The following FAM20C variants were observed in gnomAD, a reference collection of about 807,000 sequenced individuals.
FAM20C encodes FAM20C golgi associated secretory pathway kinase, also known as extracellular serine/threonine protein kinase FAM20C.
A neutral mutation model predicts 51.5 loss-of-function variants in FAM20C; 40 were observed. The observed-to-expected ratio is 0.78, with a 90% CI of 0.60 to 1.01. The LOEUF is 1.01. FAM20C is among the 50% of genes least tolerant of loss of function. FAM20C has a pLI of 0.00. For missense variants in FAM20C, 861 were observed against 844.7 expected, an observed-to-expected ratio of 1.02 and a Z score of -0.24; for synonymous variants, 406 against 380.6, an observed-to-expected ratio of 1.07 and a Z score of -0.78.
chr7:209,765 G>T (rs1786613963), intron 3 of FAM20C, among the ~76,000 whole-genome samples: 2 of 152,228 alleles, frequency 1.3e-5, no homozygotes, highest in South Asian at 4.1e-4. Context: ...CAGAAATATG[G>T]ATTTTTTTTT....
chr7:215,231 GGGGGGGA>G (rs1786905488), intron 3 of FAM20C, among the ~76,000 whole-genome samples: 5 of 124,672 alleles, frequency 4.0e-5, no homozygotes, highest in African/African-American at 1.4e-4. Context: ...CTCCAGCTGG[GGGGGGGA>G]GCAGGGCCCC....
chr7:228,295 AT>A, intron 3 of FAM20C: 1 of 367,868 alleles, frequency 2.7e-6, no homozygotes, highest in Non-Finnish European at 5.5e-6. Flanking sequence ...GCCTGTCCCC[AT>A]GGGTTCCGAA....
At chr7:210,600 C>T (rs1394929510) in intron 3 of FAM20C, among the ~76,000 whole-genome samples, 2 of 152,056 alleles carry the variant, frequency 1.3e-5, no homozygotes, top group Non-Finnish European at 2.9e-5. Flanking sequence ...CGCCTCCCAC[C>T]TGTGGGAGCA....
chr7:228,672 A>T (rs555382629), intron 3 of FAM20C: 15 of 456,126 alleles, frequency 3.3e-5, no homozygotes, highest in Non-Finnish European at 6.6e-5. Flanking sequence ...TGGTGCCTGG[A>T]GCTGAGGTCC....
intron 2 of FAM20C, among the ~76,000 whole-genome samples, chr7:204,942 G>A (rs969538429): frequency 1.3e-5 from 2 of 152,274 alleles, no homozygotes; most frequent in Non-Finnish European, 2.9e-5. Context: ...GCACTCTTGT[G>A]GCCCTTGCCG....
intron 8 of FAM20C, 60 bp downstream of exon 8, chr7:257,146 C>A: frequency 6.8e-7 from 1 of 1,470,176 alleles, no homozygotes; most frequent in South Asian, 1.2e-5. Context: ...CAGCTACCTG[C>A]AGCCCACCTG....
At position 193,182 on chromosome 7, in the gene FAM20C, G is replaced by T. The variant is rs1019826191; in HGVS notation, c.-18G>T. ...CGCGGGCAGAACGCGCTCCAGGCCC[G>T]GGCCGGCCCGCGCGGCCATGAAGAT... On this transcript the variant is annotated 5_prime_UTR_variant, in exon 1 of 10. Transcript: ENST00000313766. The T allele has an allele frequency of 1.4e-6, 2 of 1,448,746 alleles. No individual in the cohort carries two copies. Among genetic ancestry groups the T allele is most frequent in the Non-Finnish European group, 1.8e-6 (2 of 1,094,720 alleles). The allele number at this position is 1,448,746 out of a possible 1,614,324, so 89.7% of individuals were successfully genotyped here.
chr7:246,625 AGCGCCGGTGCCTGCTCTCCCCCC>A (rs1452646758), intron 4 of FAM20C, 118 bp downstream of exon 4: 1 of 471,752 alleles, frequency 2.1e-6, no homozygotes, highest in African/African-American at 3.0e-5. Flanking sequence ...ACCATCAGGC[AGCGCCGGTGCCTGCTCTCCCCCC>A]ACCCCGAGTG....
chr7:229,540 A>G (rs1787579034), intron 3 of FAM20C: 1 of 152,578 alleles, frequency 6.6e-6, no homozygotes, highest in Non-Finnish European at 1.5e-5. Context: ...GCGGTGGCAC[A>G]TCGTGAGAAT....
rs142636244 is a variant in FAM20C, at chr7:198,897, T to C, written c.784+3165T>C. On this transcript the variant is annotated intron_variant, in intron 2 of 9. Transcript: ENST00000313766. ...CCTGAGCCTCATGAGGGTCTCAGTCTAGATGCTGGGCCCTATTCTCCCTGC... is the reference window on the plus strand; with the variant it reads ...CCTGAGCCTCATGAGGGTCTCAGTCCAGATGCTGGGCCCTATTCTCCCTGC... Among the ~76,000 whole-genome samples the C allele has an allele frequency of 1.9e-3, 288 of 152,358 alleles. 1 individual carries two copies. The highest frequency in any genetic ancestry group is 6.6e-3 in the African/African-American group (275 of 41,582).
chr7:218,022 A>G (rs903921900), intron 3 of FAM20C, among the ~76,000 whole-genome samples: 1 of 152,108 alleles, frequency 6.6e-6, no homozygotes, highest in African/African-American at 2.4e-5. Flanking sequence ...ATGCTTTGTT[A>G]GCAGGACGTG....
Position 256,536 on chromosome 7 carries a change from G to A in FAM20C, c.1254-118G>A, listed in dbSNP as rs141741458. On this transcript the variant is annotated intron_variant, in intron 6 of 9. Coordinates refer to ENST00000313766, the MANE Select transcript of FAM20C (RefSeq NM_020223.4). Reference sequence around the variant, plus strand: ...GCAGCCTCAGCGCCGCAGCCCGGGCGGGTCCATCTGCAGACGCCAAGGTCC... The same window carrying A: ...GCAGCCTCAGCGCCGCAGCCCGGGCAGGTCCATCTGCAGACGCCAAGGTCC... 56,705 of 783,182 alleles carry A rather than the reference G, an allele frequency of 0.072. 2,243 individuals are homozygous for A. The highest frequency in any genetic ancestry group is 0.083 in the South Asian group (4,999 of 60,296). 48.5% of individuals were successfully genotyped at this position (783,182 alleles called of 1,614,324 possible).
intron 3 of FAM20C, among the ~76,000 whole-genome samples, chr7:236,411 C>T (rs1267988510): frequency 1.3e-5 from 2 of 152,192 alleles, no homozygotes; most frequent in Admixed American, 6.5e-5. Context: ...GAGAAGCCTG[C>T]GTGGCTAGGC....
Position 193,625 on chromosome 7 carries a change from C to T in FAM20C, c.426C>T (p.Asp142=), listed in dbSNP as rs777933402. 9.5e-5 allele frequency: 146 copies of T among 1,538,986 alleles called. No individual in the cohort carries two copies. The Middle Eastern group carries it at 2.3e-3, about 24-fold the overall frequency. ...CCGCGCACCGGCCGCTGCTGCGAGA[C>T]CCCGGCCCGCGTCGGTCCGAGTCGC... ...HDPAHRPLLR[D]PGPRRSESPP... is the part of the protein sequence containing the mutation. Residue 142 remains aspartate, a synonymous_variant, in exon 1 of 10, where the codon GAC becomes GAT. Transcript: ENST00000313766.
intron 5 of FAM20C, among the ~76,000 whole-genome samples, chr7:250,278 T>C (rs553287120): frequency 6.6e-6 from 1 of 152,314 alleles, no homozygotes; most frequent in East Asian, 1.9e-4. Context: ...TTAAGCTCCG[T>C]TCCGTCAGCC....
In FAM20C at chr7:206,582, C is replaced by T. The variant is rs865776002; in HGVS notation, c.785-2316C>T. On this transcript the variant is annotated intron_variant, in intron 2 of 9. Transcript: ENST00000313766. ...GCGTCGGTCACTGTCCCCTCAGCCC[C>T]GCACACGTGCTCACTGTCCACTGTG... Among the ~76,000 whole-genome samples, 36 of 87,626 alleles carry T rather than the reference C, an allele frequency of 4.1e-4. 2 individuals are homozygous for T. Among genetic ancestry groups the T allele is most frequent in the African/African-American group, 7.8e-4 (14 of 17,860 alleles). The allele number at this position is 87,626 out of a possible 152,430, so 57.5% of individuals were successfully genotyped here. A position where few individuals can be genotyped will look rare whatever the true frequency, so the allele number is the denominator to read the frequency against.
chr7:205,608 G>C (rs537036314), intron 2 of FAM20C, among the ~76,000 whole-genome samples: 1 of 152,152 alleles, frequency 6.6e-6, no homozygotes, highest in Non-Finnish European at 1.5e-5. Context: ...GCAGGAGGCC[G>C]AGCACACTGC....
At chr7:222,819 G>C (rs1032688324) in intron 3 of FAM20C, among the ~76,000 whole-genome samples, 1 of 152,134 alleles carries the variant, frequency 6.6e-6, no homozygotes, top group Non-Finnish European at 1.5e-5. Context: ...ATGTGTATGA[G>C]TGTGTAAGGG....
intron 1 of FAM20C, among the ~76,000 whole-genome samples, chr7:194,419 G>A (rs1364438105): frequency 2.0e-4 from 9 of 44,890 alleles, no homozygotes; most frequent in African/African-American, 7.2e-4. Flanking sequence ...CCCACCCCCC[G>A]GCCCCTCCCT....
Sources: allele counts gnomAD v4.1 joint callset (sites outside exome capture counted in the v4.1 genomes callset), GRCh38; gene constraint gnomAD v4.1.1; transcripts MANE v1.5; gene names NCBI Gene and HGNC (gene_info 2026-07-23, HGNC 2026-07-21).